ME1: variants seen among roughly 807,000 people sequenced by gnomAD.
ME1 encodes NADP-dependent malic enzyme.
In ME1, 74 loss-of-function variants were observed where a neutral mutation model predicts 66.4. The observed-to-expected ratio is 1.11, with a 90% CI of 0.92 to 1.35. The LOEUF (loss-of-function observed/expected upper bound fraction) is 1.35. Among genes scored for constraint, ME1 ranks in the 40% most tolerant of loss-of-function variants. The pLI is 0.00. For missense variants in ME1, 750 were observed against 694.1 expected (o/e 1.08, Z -0.90); for synonymous variants, 251 against 235.6 (o/e 1.07, Z -0.60).
At chr6:83,430,779 G>A (rs1677411091) in intron 1 of ME1, 98 bp downstream of exon 1, 2 of 1,077,078 alleles carry the variant, frequency 1.9e-6, no homozygotes, top group Admixed American at 2.5e-5. Flanking sequence ...TCCCAGGGGA[G>A]CGGCGGAGGG....
intron 5 of ME1, among the ~76,000 whole-genome samples, chr6:83,329,607 GTC>G (rs1302826136): frequency 6.6e-6 from 1 of 152,090 alleles, no homozygotes; most frequent in East Asian, 1.9e-4. Context: ...CTATATGTGT[GTC>G]TCTGTGTGGC....
intron 3 of ME1, among the ~76,000 whole-genome samples, chr6:83,356,155 CAA>C (rs1390872028): frequency 6.6e-6 from 1 of 152,078 alleles, no homozygotes; most frequent in Non-Finnish European, 1.5e-5. Context: ...CTACTGTAAT[CAA>C]ACTTGTATTT....
intron 3 of ME1, among the ~76,000 whole-genome samples, chr6:83,378,675 CTT>C (rs759346424): frequency 3.5e-4 from 48 of 137,562 alleles, no homozygotes; most frequent in Non-Finnish European, 4.1e-4. Flanking sequence ...CTTTCTTCCT[CTT>C]TTTTTTTTTT....
intron 6 of ME1, among the ~76,000 whole-genome samples, chr6:83,273,359 T>C (rs1158467099): frequency 1.3e-5 from 2 of 152,098 alleles, no homozygotes; most frequent in African/African-American, 4.8e-5. Flanking sequence ...ATGTTATTTT[T>C]TCTAGGTTGG....
At chr6:83,300,657 G>C (rs1372628333) in intron 6 of ME1, among the ~76,000 whole-genome samples, 2 of 114,658 alleles carry the variant, frequency 1.7e-5, no homozygotes, top group Admixed American at 1.2e-4. Context: ...GCAGGATCTA[G>C]AACTAGAAAT....
chr6:83,417,404 G>A (rs991968108), intron 1 of ME1, among the ~76,000 whole-genome samples: 2 of 150,046 alleles, frequency 1.3e-5, no homozygotes, highest in Non-Finnish European at 2.9e-5. Flanking sequence ...GTTTTGAGAC[G>A]GAGTCTCACT....
chr6:83,364,490 C>T (rs1395174851), intron 3 of ME1, among the ~76,000 whole-genome samples: 2 of 152,084 alleles, frequency 1.3e-5, no homozygotes, highest in African/African-American at 2.4e-5. Context: ...GTACATATCC[C>T]AAACTCATCT....
chr6:83,246,444 A>G (rs1193890212), intron 7 of ME1, among the ~76,000 whole-genome samples: 1 of 152,132 alleles, frequency 6.6e-6, no homozygotes, highest in Admixed American at 6.5e-5. Flanking sequence ...ATATGTGTAT[A>G]TTCAAAAAAT....
chr6:83,320,489 A>G lies in ME1; in HGVS notation c.601-5076T>C, dbSNP rs1459951371. On this transcript the variant is annotated intron_variant, in intron 5 of 13. Coordinates refer to ENST00000369705, the MANE Select transcript of ME1 (RefSeq NM_002395.6). Reference sequence around the variant, plus strand: ...ATCATATAAATATATTTCAGATGAAATGTAAAATCTGAAATCAAGTGCCGC... The same window carrying G: ...ATCATATAAATATATTTCAGATGAAGTGTAAAATCTGAAATCAAGTGCCGC... Among the ~76,000 whole-genome samples the G allele has an allele frequency of 2.0e-5, 3 of 152,380 alleles. No homozygotes were observed. The East Asian group carries it at 5.8e-4, about 29-fold the overall frequency.
rs562270149 is a variant in ME1 at position 83,420,888 on chromosome 6, G to T, written c.78+9989C>A. ...TTTGTTGTTGTTGTTGGGTTTTTTT[G>T]TTGTTGTTGTTTTTGTTTTTGTTTT... On this transcript the variant is annotated intron_variant, in intron 1 of 13. Transcript: ENST00000369705. 7.2e-5 allele frequency among the ~76,000 whole-genome samples: 11 copies of T among 151,958 alleles called. No individual in the cohort carries two copies. In the South Asian group the frequency reaches 8.3e-4, roughly 12 times the overall value.
Position 83,315,403 on chromosome 6 carries a change from T to C in ME1, c.611A>G (p.Lys204Arg), listed in dbSNP as rs1428614820. 6.3e-7 allele frequency: 1 copy of C among 1,580,384 alleles called. No homozygotes were observed. The highest frequency in any genetic ancestry group is 2.2e-5 in the East Asian group (1 of 44,574). ...DVGTENEELL[K>R]DPLYIGLRQR... ...CCGTAGTCCAATGTAGAGTGGATCTTTAAGTAACTCCTATTAAAAAAAGTT... is the reference window on the plus strand; with the variant it reads ...CCGTAGTCCAATGTAGAGTGGATCTCTAAGTAACTCCTATTAAAAAAAGTT... Residue 204 changes from lysine (K) to arginine (R), a missense_variant, in exon 6 of 14, where the codon AAA becomes AGA. Lys to Arg is a conservative substitution (Grantham distance 26). Coordinates refer to ENST00000369705, the MANE Select transcript of ME1 (RefSeq NM_002395.6).
At chr6:83,361,495 C>T (rs762141619) in intron 3 of ME1, among the ~76,000 whole-genome samples, 5 of 152,248 alleles carry the variant, frequency 3.3e-5, no homozygotes, top group Admixed American at 6.5e-5. Context: ...GCTGTGCCAG[C>T]TCCTCTGCCA....
intron 1 of ME1, 31 bp from the exon 2 acceptor site, chr6:83,407,932 A>C (rs200267323): frequency 1.2e-5 from 18 of 1,543,662 alleles, no homozygotes; most frequent in African/African-American, 1.4e-5. Flanking sequence ...CACACACACA[A>C]CAGTATTTGA....
At chr6:83,280,264 TAAC>T (rs1168386453) in intron 6 of ME1, among the ~76,000 whole-genome samples, 3 of 152,100 alleles carry the variant, frequency 2.0e-5, no homozygotes, top group East Asian at 1.9e-4. Context: ...TAAAAAATAA[TAAC>T]AACAACAATA....
Position 83,281,871 on chromosome 6 carries a change from G to GA in ME1, c.705-28134dup, listed in dbSNP as rs1229428872. ...CAAAAAAGAGAAAAAAAAAAAGAGA[G>GA]AAAAAAACAGAAAACCAAACACTGA... On this transcript the variant is annotated intron_variant, in intron 6 of 13. Transcript: ENST00000369705. 4.3e-5 allele frequency among the ~76,000 whole-genome samples: 3 copies of GA among 69,350 alleles called. No homozygotes were observed. The South Asian group carries it at 1.2e-3, about 29-fold the overall frequency. 45.5% of individuals were successfully genotyped at this position (69,350 alleles called of 152,430 possible). A position where few individuals can be genotyped will look rare whatever the true frequency, so the allele number is the denominator to read the frequency against.
chr6:83,214,048 C>T (rs537811320), intron 13 of ME1, among the ~76,000 whole-genome samples: 1 of 152,256 alleles, frequency 6.6e-6, no homozygotes, highest in African/African-American at 2.4e-5. Context: ...AAAATTCAAG[C>T]ATTTTAAGTG....
intron 7 of ME1, among the ~76,000 whole-genome samples, chr6:83,240,267 A>G (rs948102231): frequency 6.6e-5 from 10 of 152,076 alleles, no homozygotes; most frequent in African/African-American, 2.4e-4. Context: ...TGGTGCTCAT[A>G]ATATTTTTGA....
chr6:83,357,929 CTCTCTCTATATATATATATATATATATA>C lies in ME1; in HGVS notation c.363-5818_363-5791del, dbSNP rs1238444367. Among the ~76,000 whole-genome samples, 14 of 56,328 alleles carry C rather than the reference CTCTCTCTATATATATATATATATATATA, an allele frequency of 2.5e-4. 1 individual carries two copies. The South Asian group carries it at 6.7e-3, about 27-fold the overall frequency. 37.0% of individuals were successfully genotyped at this position (56,328 alleles called of 152,430 possible). On this transcript the variant is annotated intron_variant, in intron 3 of 13. Coordinates refer to ENST00000369705, the MANE Select transcript of ME1 (RefSeq NM_002395.6). ...TCTCTCTCTCTCTCTCTCTCTCTCT[CTCTCTCTATATATATATATATATATATA>C]TATATATATATATATATTTCATTAG...
chr6:83,297,473 T>C (rs1277751753), intron 6 of ME1, among the ~76,000 whole-genome samples: 3 of 152,210 alleles, frequency 2.0e-5, no homozygotes, highest in Non-Finnish European at 1.5e-5. Flanking sequence ...AAAGTTCATA[T>C]GGAACCACGA....
Sources: gnomAD v4.1 joint callset for allele counts (sites outside exome capture counted in the v4.1 genomes callset) on GRCh38, gnomAD v4.1.1 for gene constraint, MANE v1.5 for transcripts, NCBI Gene and HGNC (gene_info 2026-07-23, HGNC 2026-07-21) for gene names.